Variants in CYRIB observed in about 807,000 individuals in gnomAD.
CYRIB encodes CYFIP related Rac1 interactor B, also known as CYFIP-related Rac1 interactor B.
In CYRIB, 8 loss-of-function variants were observed where a neutral mutation model predicts 44.2. The ratio of observed to expected loss-of-function variants is 0.18; its 90% CI spans 0.11 to 0.33. CYRIB has a LOEUF of 0.33. CYRIB is among the 10% of genes least tolerant of loss of function. The pLI, the probability that CYRIB is intolerant of heterozygous loss-of-function variation, is 1.00. For missense variants in CYRIB, 185 were observed against 382.8 expected (o/e 0.48, Z 4.31); for synonymous variants, 131 against 127.2 (o/e 1.03, Z -0.20).
chr8:129,922,616 C>G (rs2084318815), intron 1 of CYRIB, among the ~76,000 whole-genome samples: 1 of 151,968 alleles, frequency 6.6e-6, no homozygotes, highest in South Asian at 2.1e-4. Context: ...GTAATCCCAG[C>G]ACTTTGGGAG....
chr8:129,845,459 G>C (rs970935777), intron 11 of CYRIB, among the ~76,000 whole-genome samples: 3 of 152,142 alleles, frequency 2.0e-5, no homozygotes, highest in Non-Finnish European at 1.5e-5. Flanking sequence ...CAAGAATACA[G>C]AATTCTAAAA....
chr8:129,861,520 C>A (rs2049538448), intron 5 of CYRIB, among the ~76,000 whole-genome samples: 1 of 151,996 alleles, frequency 6.6e-6, no homozygotes, highest in Admixed American at 6.6e-5. Flanking sequence ...GCTACTGCAG[C>A]CTTGACCTCC....
intron 2 of CYRIB, among the ~76,000 whole-genome samples, chr8:129,898,068 T>A (rs998689252): frequency 7.2e-6 from 1 of 139,014 alleles, no homozygotes. Flanking sequence ...CTGGCCCCAA[T>A]CTAAAAATTT....
At chr8:129,972,153 G>A (rs1411875424) in intron 1 of CYRIB, among the ~76,000 whole-genome samples, 1 of 152,204 alleles carries the variant, frequency 6.6e-6, no homozygotes, top group Non-Finnish European at 1.5e-5. Context: ...CCTATCTGCT[G>A]ATAATTTCAG....
rs73408512 is a variant in CYRIB, at chr8:129,877,313, T to A, written c.73+2076A>T. ...GTATTTCTGCATTATTGGTTATTAT[T>A]GTTGCTTGCAATTTTTACCTTTTCC... On this transcript the variant is annotated intron_variant, in intron 3 of 11. Transcript: ENST00000519824. Among the ~76,000 whole-genome samples, 1,496 of 152,276 alleles carry A rather than the reference T, an allele frequency of 9.8e-3. 35 individuals carry two copies. The highest frequency in any genetic ancestry group is 0.034 in the African/African-American group (1,427 of 41,552).
intron 2 of CYRIB, among the ~76,000 whole-genome samples, chr8:129,961,037 C>A (rs912089332): frequency 6.6e-6 from 1 of 152,032 alleles, no homozygotes; most frequent in African/African-American, 2.4e-5. Flanking sequence ...AAGCCCTACT[C>A]CCCAGACCTA....
intron 1 of CYRIB, among the ~76,000 whole-genome samples, chr8:130,011,592 C>A (rs993275374): frequency 6.6e-6 from 1 of 151,652 alleles, no homozygotes; most frequent in South Asian, 2.1e-4. Context: ...CCGAGGCGGG[C>A]GGATCACAAG....
chr8:129,966,268 A>C (rs1043698870), intron 2 of CYRIB, among the ~76,000 whole-genome samples: 1 of 152,220 alleles, frequency 6.6e-6, no homozygotes, highest in Non-Finnish European at 1.5e-5. Flanking sequence ...TAACTATAGG[A>C]AACATAGAAT....
At chr8:129,931,597 A>G (rs1217386801) in intron 1 of CYRIB, among the ~76,000 whole-genome samples, 2 of 152,190 alleles carry the variant, frequency 1.3e-5, no homozygotes, top group Non-Finnish European at 2.9e-5. Context: ...AGCACCAATA[A>G]TAATAATATG....
At chr8:129,852,388 A>G in intron 7 of CYRIB, 110 bp from the exon 10 acceptor site, 1 of 505,958 alleles carries the variant, frequency 2.0e-6, no homozygotes. Flanking sequence ...TTAGACTCTC[A>G]TGTATCGATA....
intron 4 of CYRIB, among the ~76,000 whole-genome samples, chr8:129,870,442 C>T (rs980957584): frequency 6.6e-6 from 1 of 152,234 alleles, no homozygotes; most frequent in Non-Finnish European, 1.5e-5. Flanking sequence ...TCATTTAACT[C>T]TCTCTCTTCC....
chr8:129,998,138 A>C (rs1385725806), intron 1 of CYRIB, among the ~76,000 whole-genome samples: 4 of 140,980 alleles, frequency 2.8e-5, no homozygotes, highest in South Asian at 2.2e-4. Flanking sequence ...AAAAAAAAAA[A>C]CAAAAAAAAC....
chr8:129,849,322 A>G, exon 10 of CYRIB: 1 of 1,613,354 alleles, frequency 6.2e-7, no homozygotes, highest in South Asian at 1.1e-5. Context: ...CATTACCCTC[A>G]AGCAGAATGA....
At chr8:129,906,605 A>T (rs2075519982) in intron 1 of CYRIB, among the ~76,000 whole-genome samples, 1 of 152,210 alleles carries the variant, frequency 6.6e-6, no homozygotes, top group Non-Finnish European at 1.5e-5. Flanking sequence ...GACAAATGAG[A>T]TCTAATTAAA....
chr8:129,970,898 T>G (rs976422621), intron 2 of CYRIB, 45 bp downstream of exon 2: 1 of 152,222 alleles, frequency 6.6e-6, no homozygotes, highest in African/African-American at 2.4e-5. Flanking sequence ...GAGTGCTGGC[T>G]CTGGAGCCAG....
chr8:129,878,479 T>C (rs975121780), intron 3 of CYRIB, among the ~76,000 whole-genome samples: 3 of 152,210 alleles, frequency 2.0e-5, no homozygotes, highest in African/African-American at 7.2e-5. Flanking sequence ...AAATTTTAAG[T>C]ATATAAAAAT....
intron 5 of CYRIB, among the ~76,000 whole-genome samples, chr8:129,857,696 G>A (rs188263817): frequency 3.3e-4 from 51 of 152,278 alleles, no homozygotes; most frequent in Non-Finnish European, 5.9e-4. Context: ...TGGATGTGAA[G>A]AAGATCAATT....
chr8:129,871,854 C>T (rs913954520), intron 3 of CYRIB, among the ~76,000 whole-genome samples: 1 of 152,058 alleles, frequency 6.6e-6, no homozygotes. Flanking sequence ...ACTGTAAATG[C>T]ATCAGAAATC....
At chr8:129,843,259 G>C (rs146920764) in intron 11 of CYRIB, among the ~76,000 whole-genome samples, 225 of 152,360 alleles carry the variant, frequency 1.5e-3, no homozygotes, top group African/African-American at 4.9e-3. Flanking sequence ...ATAGTAAGGA[G>C]TTTGGAGATT....
Sources: allele counts gnomAD v4.1 joint callset (sites outside exome capture counted in the v4.1 genomes callset), GRCh38; gene constraint gnomAD v4.1.1; transcripts MANE v1.5; gene names NCBI Gene and HGNC (gene_info 2026-07-23, HGNC 2026-07-21).